The following RORA variants were observed in gnomAD, a reference collection of about 807,000 sequenced individuals.
RORA encodes nuclear receptor ROR-alpha.
Under a neutral mutation model 69.5 loss-of-function variants are expected in RORA, and 7 were observed. That is an observed-to-expected ratio of 0.10 (90% CI 0.06 to 0.19). The LOEUF is 0.19. Ranked by LOEUF, RORA falls within the 10% of genes least tolerant of loss-of-function variation. The probability of loss-of-function intolerance (pLI) is 1.00; values close to 1 mark genes in which losing one functional copy is unlikely to be tolerated. For missense variants in RORA, 457 were observed against 663.0 expected (o/e 0.69, Z 3.41); for synonymous variants, 261 against 240.8 (o/e 1.08, Z -0.78).
intron 1 of RORA, among the ~76,000 whole-genome samples, chr15:61,058,823 G>A (rs549613771): frequency 2.6e-5 from 4 of 152,096 alleles, no homozygotes; most frequent in Non-Finnish European, 5.9e-5. Context: ...CTATGTTATC[G>A]GCCTTTCTAT....
intron 1 of RORA, among the ~76,000 whole-genome samples, chr15:61,188,104 A>G (rs1338580598): frequency 2.0e-5 from 3 of 152,092 alleles, no homozygotes; most frequent in Non-Finnish European, 2.9e-5. Flanking sequence ...TTCCCCCGAA[A>G]TACCCAATGA....
intron 2 of RORA, among the ~76,000 whole-genome samples, chr15:60,585,647 C>T (rs757697430): frequency 4.6e-5 from 7 of 152,024 alleles, no homozygotes; most frequent in Non-Finnish European, 8.8e-5. Flanking sequence ...TAAAAAAATA[C>T]GAGGATTACT....
At chr15:60,833,784 G>C (rs1371949689) in intron 1 of RORA, among the ~76,000 whole-genome samples, 2 of 152,232 alleles carry the variant, frequency 1.3e-5, no homozygotes, top group Non-Finnish European at 2.9e-5. Flanking sequence ...GGGAGGAAGA[G>C]TGGTTGAGAG....
At chr15:61,119,151 G>A (rs761087282) in intron 1 of RORA, among the ~76,000 whole-genome samples, 1 of 151,726 alleles carries the variant, frequency 6.6e-6, no homozygotes, top group African/African-American at 2.4e-5. Flanking sequence ...CTTATCCAGA[G>A]GGAGGACCGC....
In RORA at chr15:60,634,399, CTTTT is replaced by C. The variant is rs10604472; in HGVS notation, c.196+44254_196+44257del. Among the ~76,000 whole-genome samples, 181 of 142,684 alleles carry C rather than the reference CTTTT, an allele frequency of 1.3e-3. 3 individuals are homozygous for C. Among genetic ancestry groups the C allele is most frequent in the African/African-American group, 4.4e-3 (171 of 39,184 alleles). The allele number at this position is 142,684 out of a possible 152,430, so 93.6% of individuals were successfully genotyped here. On this transcript the variant is annotated intron_variant, in intron 2 of 10. Coordinates refer to ENST00000335670, the MANE Select transcript of RORA (RefSeq NM_134261.3). ...CTTTCTGAGAGAAGCAGTGCTACCA[CTTTT>C]TTTTTTTTTTTCTTTTTTTTGAGCC...
chr15:60,588,448 TCATCCATC>T (rs55840229), intron 2 of RORA, among the ~76,000 whole-genome samples: 25 of 150,532 alleles, frequency 1.7e-4, no homozygotes, highest in African/African-American at 2.7e-4. Context: ...GCAAATCTAT[TCATCCATC>T]CATCCATCCA....
At chr15:60,746,317 A>T (rs2071648135) in intron 1 of RORA, among the ~76,000 whole-genome samples, 1 of 152,028 alleles carries the variant, frequency 6.6e-6, no homozygotes, top group Non-Finnish European at 1.5e-5. Context: ...AATTTAATGA[A>T]TGGAGGTTTG....
At chr15:60,892,035 G>A (rs2073818117) in intron 1 of RORA, among the ~76,000 whole-genome samples, 1 of 152,200 alleles carries the variant, frequency 6.6e-6, no homozygotes, top group Admixed American at 6.5e-5. Context: ...GCTGTTTGGG[G>A]CAGGCGCTGT....
In RORA at chr15:60,995,231, C is replaced by A. The variant is rs113515170; in HGVS notation, c.166+233822G>T. ...CCGCAGATGCTCAGCTGAGCCAGTG[C>A]AGCTGGCTCCCTGACAAATGTGGAA... On this transcript the variant is annotated intron_variant, in intron 1 of 10. Transcript: ENST00000335670. Among the ~76,000 whole-genome samples, 1,145 of 152,186 alleles carry A rather than the reference C, an allele frequency of 7.5e-3. 12 individuals are homozygous for A. Among genetic ancestry groups the A allele is most frequent in the African/African-American group, 0.027 (1,109 of 41,506 alleles).
chr15:61,100,718 C>A (rs1204517256), intron 1 of RORA, among the ~76,000 whole-genome samples: 2 of 152,190 alleles, frequency 1.3e-5, no homozygotes, highest in African/African-American at 2.4e-5. Context: ...TCTTTATCAG[C>A]CATCACATTA....
chr15:60,591,937 AC>A (rs2068529206), intron 2 of RORA, among the ~76,000 whole-genome samples: 1 of 151,990 alleles, frequency 6.6e-6, no homozygotes, highest in East Asian at 2.0e-4. Context: ...ACGCGCACGC[AC>A]GGCCCTGCCC....
chr15:60,774,653 C>A (rs902097972), intron 1 of RORA, among the ~76,000 whole-genome samples: 11 of 152,204 alleles, frequency 7.2e-5, no homozygotes, highest in African/African-American at 2.4e-4. Flanking sequence ...TACCCACAGT[C>A]TTTATCTTCC....
At chr15:61,047,755 A>G (rs1302982058) in intron 1 of RORA, among the ~76,000 whole-genome samples, 3 of 152,148 alleles carry the variant, frequency 2.0e-5, no homozygotes, top group African/African-American at 7.2e-5. Flanking sequence ...TTGCCCCCAA[A>G]TTATTTATAT....
intron 2 of RORA, among the ~76,000 whole-genome samples, chr15:60,542,939 C>T (rs2066941180): frequency 6.6e-6 from 1 of 151,382 alleles, no homozygotes; most frequent in Admixed American, 6.6e-5. Context: ...CACACATACA[C>T]TGCACACGCA....
At chr15:60,778,085 C>T (rs927435595) in intron 1 of RORA, among the ~76,000 whole-genome samples, 10 of 152,126 alleles carry the variant, frequency 6.6e-5, no homozygotes, top group African/African-American at 1.9e-4. Flanking sequence ...AACACAACTG[C>T]GCAGGCTTGG....
intron 1 of RORA, among the ~76,000 whole-genome samples, chr15:60,760,688 G>T (rs1283842568): frequency 6.6e-6 from 1 of 152,180 alleles, no homozygotes; most frequent in Non-Finnish European, 1.5e-5. Context: ...AAATGCTAGG[G>T]TTCCATTCCT....
chr15:60,798,933 G>T (rs2072539177), intron 1 of RORA, among the ~76,000 whole-genome samples: 1 of 133,832 alleles, frequency 7.5e-6, no homozygotes, highest in Non-Finnish European at 1.6e-5. Context: ...CTCAATAAAG[G>T]ACTTTTTTTT....
At chr15:60,638,996 G>A (rs1043476375) in intron 2 of RORA, among the ~76,000 whole-genome samples, 2 of 152,100 alleles carry the variant, frequency 1.3e-5, no homozygotes, top group East Asian at 1.9e-4. Flanking sequence ...TCAGAGTCAC[G>A]GGCAATATAC....
chr15:60,709,559 G>A (rs1331604400), intron 1 of RORA, among the ~76,000 whole-genome samples: 1 of 152,012 alleles, frequency 6.6e-6, no homozygotes, highest in African/African-American at 2.4e-5. Context: ...CAGATGAGCA[G>A]CAGCATGAGA....
Sources: gnomAD v4.1 joint callset for allele counts (sites outside exome capture counted in the v4.1 genomes callset) on GRCh38, gnomAD v4.1.1 for gene constraint, MANE v1.5 for transcripts, NCBI Gene and HGNC (gene_info 2026-07-23, HGNC 2026-07-21) for gene names.